B3GLCT: variants seen among roughly 807,000 people sequenced by gnomAD.
B3GLCT encodes beta 3-glucosyltransferase.
In B3GLCT, 65 loss-of-function variants were observed where a neutral mutation model predicts 63.4. That is an observed-to-expected ratio of 1.03 (90% confidence interval 0.84 to 1.26). B3GLCT has a LOEUF of 1.26. Ranked by LOEUF, B3GLCT falls within the 50% of genes most tolerant of loss-of-function variation. The pLI is 0.00. For missense variants in B3GLCT, 577 were observed against 604.8 expected, an observed-to-expected ratio of 0.95 and a Z score of 0.48; for synonymous variants, 233 against 219.2, an observed-to-expected ratio of 1.06 and a Z score of -0.55.
At chr13:31,326,386 C>T (rs973941774) in intron 14 of B3GLCT, among the ~76,000 whole-genome samples, 17 of 142,684 alleles carry the variant, frequency 1.2e-4, no homozygotes, top group Non-Finnish European at 2.5e-4. Flanking sequence ...TGGGTTCAAG[C>T]GATTCTCCTG....
At chr13:31,268,687 G>C in intron 7 of B3GLCT, among the ~76,000 whole-genome samples, 1 of 152,132 alleles carries the variant, frequency 6.6e-6, no homozygotes, top group Non-Finnish European at 1.5e-5. Context: ...GAATGGTAGG[G>C]CCCTCAAGAC....
At position 31,201,643 on chromosome 13, in the gene B3GLCT, A is replaced by G. The variant is rs1029304929; in HGVS notation, c.70+1489A>G. Reference sequence around the variant, plus strand: ...GGGTGGTAGCTGAAATTGGTATTCTATTTATAGCACTGCACTTTATAATGC... The same window carrying G: ...GGGTGGTAGCTGAAATTGGTATTCTGTTTATAGCACTGCACTTTATAATGC... On this transcript the variant is annotated intron_variant, in intron 1 of 14. Coordinates refer to ENST00000343307, the MANE Select transcript of B3GLCT (RefSeq NM_194318.4). Among the ~76,000 whole-genome samples, 3 of 152,166 alleles carry G rather than the reference A, an allele frequency of 2.0e-5. No individual in the cohort carries two copies. In the South Asian group the frequency reaches 6.2e-4, roughly 31 times the overall value.
At chr13:31,231,020 A>AT (rs895701354) in intron 4 of B3GLCT, among the ~76,000 whole-genome samples, 2 of 150,490 alleles carry the variant, frequency 1.3e-5, no homozygotes, top group African/African-American at 5.0e-5. Flanking sequence ...GAAAAAAAAA[A>AT]TTTTTTTTTC....
At chr13:31,214,592 T>C (rs1249697150) in intron 1 of B3GLCT, among the ~76,000 whole-genome samples, 2 of 152,160 alleles carry the variant, frequency 1.3e-5, no homozygotes, top group East Asian at 3.9e-4. Context: ...TTGCAGCCCT[T>C]AGGAAAAAGC....
chr13:31,203,071 T>C (rs1370430024), intron 1 of B3GLCT, among the ~76,000 whole-genome samples: 3 of 152,228 alleles, frequency 2.0e-5, no homozygotes, highest in Non-Finnish European at 4.4e-5. Flanking sequence ...CATGCCTGTC[T>C]GTCACTTCCC....
At chr13:31,218,763 G>A (rs1342652895) in intron 2 of B3GLCT, among the ~76,000 whole-genome samples, 1 of 152,120 alleles carries the variant, frequency 6.6e-6, no homozygotes, top group Admixed American at 6.6e-5. Context: ...GGGCATCCTT[G>A]TCTTGTTCCT....
intron 6 of B3GLCT, among the ~76,000 whole-genome samples, chr13:31,251,010 A>G (rs566236663): frequency 6.6e-6 from 1 of 152,282 alleles, no homozygotes; most frequent in East Asian, 1.9e-4. Context: ...AAGCTTCCAG[A>G]GGAAGGAACA....
intron 6 of B3GLCT, among the ~76,000 whole-genome samples, chr13:31,256,896 A>G (rs560070017): frequency 2.8e-5 from 4 of 144,524 alleles, no homozygotes; most frequent in South Asian, 2.5e-4. Context: ...CTTTCTGTAC[A>G]TGTACCCCAG....
chr13:31,240,405 G>C (rs914911072), intron 4 of B3GLCT, among the ~76,000 whole-genome samples: 2 of 149,804 alleles, frequency 1.3e-5, no homozygotes, highest in African/African-American at 4.9e-5. Flanking sequence ...TTTTTCTGCT[G>C]TTTGCAGAAA....
At chr13:31,254,990 T>C (rs1373047287) in intron 6 of B3GLCT, among the ~76,000 whole-genome samples, 1 of 143,518 alleles carries the variant, frequency 7.0e-6, no homozygotes, top group Non-Finnish European at 1.5e-5. Flanking sequence ...TGAGCTGAGA[T>C]GGCGCCACTG....
intron 13 of B3GLCT, among the ~76,000 whole-genome samples, chr13:31,323,495 T>C (rs1422495549): frequency 6.6e-6 from 1 of 152,202 alleles, no homozygotes; most frequent in East Asian, 1.9e-4. Flanking sequence ...TACCTTAGGA[T>C]CAGAATGAAA....
At chr13:31,266,089 C>T (rs1872295963) in intron 7 of B3GLCT, among the ~76,000 whole-genome samples, 1 of 152,124 alleles carries the variant, frequency 6.6e-6, no homozygotes, top group Admixed American at 6.5e-5. Flanking sequence ...AGTTCCACCC[C>T]CGGGTTCACG....
intron 1 of B3GLCT, among the ~76,000 whole-genome samples, chr13:31,209,417 C>A (rs1301751022): frequency 6.6e-6 from 1 of 152,234 alleles, no homozygotes; most frequent in South Asian, 2.1e-4. Flanking sequence ...GGAGAGGCAG[C>A]TGCTGGAGGC....
intron 13 of B3GLCT, among the ~76,000 whole-genome samples, chr13:31,321,205 T>A (rs181888896): frequency 1.3e-5 from 2 of 152,378 alleles, no homozygotes; most frequent in East Asian, 3.9e-4. Context: ...CAATGTGATG[T>A]TCTGTCTTTA....
intron 2 of B3GLCT, among the ~76,000 whole-genome samples, chr13:31,215,916 C>T (rs9529218): frequency 0.19 from 28,543 of 151,996 alleles, 2,830 homozygotes; most frequent in Non-Finnish European, 0.2. Context: ...CCAGGGGACT[C>T]GCAGAGAGCA....
At chr13:31,274,677 A>C in intron 9 of B3GLCT, 49 bp downstream of exon 9, 1 of 1,604,346 alleles carries the variant, frequency 6.2e-7, no homozygotes, top group Non-Finnish European at 8.5e-7. Context: ...AAAAATTTAG[A>C]TGCTGTGCAT....
Position 31,317,696 on chromosome 13 carries a change from T to G in B3GLCT, c.1184+11T>G. On this transcript the variant is annotated intron_variant, in intron 13 of 14. Transcript: ENST00000343307. ...CACGGGAGGAGGAGGGTAACTATGA[T>G]CACAGCTTTCTTCAACTACTTTAAA... 1 of 1,613,884 alleles carries G rather than the reference T, an allele frequency of 6.2e-7. No homozygotes were observed. The highest frequency in any genetic ancestry group is 8.5e-7 in the Non-Finnish European group (1 of 1,179,840).
At chr13:31,323,582 G>A (rs1347673813) in intron 13 of B3GLCT, among the ~76,000 whole-genome samples, 169 bp from the exon 14 acceptor site, 1 of 152,200 alleles carries the variant, frequency 6.6e-6, no homozygotes, top group African/African-American at 2.4e-5. Flanking sequence ...GAAAGGGCCA[G>A]AAGACTAAAA....
rs139744935 is a variant in B3GLCT at position 31,251,307 on chromosome 13, C to T, written c.459+3341C>T. ...AATCCCAAAAACCAGAACACCTCTT[C>T]TCCTTCAAAGGATCACAACTCCTCA... On this transcript the variant is annotated intron_variant, in intron 6 of 14. Coordinates refer to ENST00000343307, the MANE Select transcript of B3GLCT (RefSeq NM_194318.4). Among the ~76,000 whole-genome samples, 30 of 152,308 alleles carry T rather than the reference C, an allele frequency of 2.0e-4. 2 individuals carry two copies. The East Asian group carries it at 5.8e-3, about 29-fold the overall frequency.
Sources: gnomAD v4.1 joint callset for allele counts (sites outside exome capture counted in the v4.1 genomes callset) on GRCh38, gnomAD v4.1.1 for gene constraint, MANE v1.5 for transcripts, NCBI Gene and HGNC (gene_info 2026-07-23, HGNC 2026-07-21) for gene names.